The following TENM2 variants were observed in gnomAD, a reference collection of about 807,000 sequenced individuals.
TENM2 encodes the protein teneurin transmembrane protein 2.
Under a neutral mutation model 245.2 loss-of-function variants are expected in TENM2, and 52 were observed. That is an observed-to-expected ratio of 0.21 (90% CI 0.17 to 0.27). The LOEUF (loss-of-function observed/expected upper bound fraction) is 0.27. Among genes scored for constraint, TENM2 ranks in the 10% least tolerant of loss-of-function variants. TENM2 has a pLI of 1.00. For missense variants in TENM2, 3,046 were observed against 3,666.8 expected, an observed-to-expected ratio of 0.83 and a Z score of 4.37; for synonymous variants, 1,363 against 1,438.9, an observed-to-expected ratio of 0.95 and a Z score of 1.19.
At chr5:167,981,594 C>A (rs909973985) in intron 4 of TENM2, among the ~76,000 whole-genome samples, 1 of 152,176 alleles carries the variant, frequency 6.6e-6, no homozygotes, top group South Asian at 2.1e-4. Flanking sequence ...TGAGTCTCTC[C>A]TACCCTAGTA....
intron 2 of TENM2, among the ~76,000 whole-genome samples, chr5:167,744,117 T>C (rs752119787): frequency 7.2e-5 from 11 of 152,200 alleles, no homozygotes; most frequent in Non-Finnish European, 1.3e-4. Context: ...TTCAGCCTTA[T>C]TACAAAATCA....
chr5:167,410,455 A>C (rs901041319), intron 2 of TENM2, among the ~76,000 whole-genome samples: 1 of 152,034 alleles, frequency 6.6e-6, no homozygotes, highest in South Asian at 2.1e-4. Context: ...CATCTTTATC[A>C]TATCTGCATT....
upstream of TENM2, among the ~76,000 whole-genome samples, chr5:167,281,543 A>G (rs1325309769): frequency 1.3e-5 from 2 of 152,116 alleles, no homozygotes; most frequent in Admixed American, 6.5e-5. Context: ...TTATCTCATT[A>G]TATATAATTT....
the TENM2 span, among the ~76,000 whole-genome samples, chr5:167,211,534 G>A: frequency 2.0e-5 from 3 of 152,190 alleles, no homozygotes; most frequent in African/African-American, 7.2e-5. Flanking sequence ...GCAATGCTAA[G>A]TTGAAGTGTA....
chr5:167,664,685 TTAAGAATCA>T (rs1755455433), intron 2 of TENM2, among the ~76,000 whole-genome samples: 1 of 152,186 alleles, frequency 6.6e-6, no homozygotes. Flanking sequence ...TAGATATATT[TTAAGAATCA>T]TAAGAACATA....
intron 2 of TENM2, among the ~76,000 whole-genome samples, chr5:167,385,278 A>G (rs1761349580): frequency 6.6e-6 from 1 of 151,908 alleles, no homozygotes; most frequent in African/African-American, 2.4e-5. Flanking sequence ...CAATTTGTTT[A>G]ATTGCTCCTG....
intron 2 of TENM2, among the ~76,000 whole-genome samples, chr5:167,703,358 C>T (rs1758291501): frequency 6.6e-6 from 1 of 151,872 alleles, no homozygotes; most frequent in Non-Finnish European, 1.5e-5. Flanking sequence ...ATGGTGAAAC[C>T]CTGTCTCTAC....
chr5:167,065,517 G>A, the TENM2 span, among the ~76,000 whole-genome samples: 6 of 152,148 alleles, frequency 3.9e-5, no homozygotes, highest in Non-Finnish European at 7.3e-5. Context: ...TGTGTGTGCA[G>A]ACACACAACG....
At chr5:167,265,817 A>G in the TENM2 span, among the ~76,000 whole-genome samples, 3 of 151,998 alleles carry the variant, frequency 2.0e-5, no homozygotes, top group Admixed American at 6.6e-5. Flanking sequence ...GTTAATCTTA[A>G]TTACTCTCTT....
chr5:167,875,391 C>T (rs928273508), intron 2 of TENM2, among the ~76,000 whole-genome samples: 8 of 151,958 alleles, frequency 5.3e-5, no homozygotes, highest in Non-Finnish European at 7.4e-5. Context: ...TAAGGGGCCA[C>T]GTGGAAAGTC....
the TENM2 span, among the ~76,000 whole-genome samples, chr5:167,001,789 G>C: frequency 3.3e-5 from 5 of 152,012 alleles, no homozygotes; most frequent in African/African-American, 9.7e-5. Flanking sequence ...CATGGTACAA[G>C]CTTGTTGGTA....
chr5:167,135,244 CAT>C, the TENM2 span, among the ~76,000 whole-genome samples: 5 of 152,246 alleles, frequency 3.3e-5, no homozygotes, highest in Non-Finnish European at 7.4e-5. Context: ...AAATAGGAAA[CAT>C]ATACAATTTT....
intron 1 of TENM2, among the ~76,000 whole-genome samples, chr5:167,297,801 G>T (rs1182797043): frequency 1.3e-5 from 2 of 148,604 alleles, no homozygotes; most frequent in Non-Finnish European, 2.9e-5. Context: ...ACAGTCAAAG[G>T]GGGGTTGTTC....
At chr5:167,920,342 A>AG (rs1286282880) in intron 3 of TENM2, among the ~76,000 whole-genome samples, 1 of 139,202 alleles carries the variant, frequency 7.2e-6, no homozygotes, top group African/African-American at 2.7e-5. Flanking sequence ...AAAAAAAAAG[A>AG]AAAAAAAAGA....
chr5:168,038,033 T>G (rs1787862797), intron 5 of TENM2, among the ~76,000 whole-genome samples: 1 of 152,186 alleles, frequency 6.6e-6, no homozygotes, highest in South Asian at 2.1e-4. Flanking sequence ...ATGCTTAGTG[T>G]TGAGCTGATG....
At chr5:167,680,142 G>A (rs1394504087) in intron 2 of TENM2, among the ~76,000 whole-genome samples, 2 of 151,848 alleles carry the variant, frequency 1.3e-5, no homozygotes, top group Non-Finnish European at 1.5e-5. Flanking sequence ...TTAATTCATC[G>A]CTCCATCTTC....
chr5:167,895,114 C>T (rs1775112273), intron 3 of TENM2, among the ~76,000 whole-genome samples: 1 of 152,114 alleles, frequency 6.6e-6, no homozygotes, highest in Admixed American at 6.5e-5. Context: ...GGGCCTTTAA[C>T]ATGTTTATGT....
intron 24 of TENM2, among the ~76,000 whole-genome samples, chr5:168,226,857 G>A (rs1302735684): frequency 4.6e-5 from 7 of 152,174 alleles, no homozygotes; most frequent in African/African-American, 1.2e-4. Flanking sequence ...GAATTGTGCC[G>A]ATTAATTTTT....
intron 2 of TENM2, among the ~76,000 whole-genome samples, chr5:167,462,522 A>G (rs566542949): frequency 6.6e-6 from 1 of 152,154 alleles, no homozygotes; most frequent in African/African-American, 2.4e-5. Context: ...GGGGAATATT[A>G]TTGCATTGCC....
Sources: allele counts gnomAD v4.1 joint callset (sites outside exome capture counted in the v4.1 genomes callset), GRCh38; gene constraint gnomAD v4.1.1; transcripts MANE v1.5; gene names NCBI Gene and HGNC (gene_info 2026-07-23, HGNC 2026-07-21).